The following DAB1 variants were observed in gnomAD, a reference collection of about 807,000 sequenced individuals.
The protein encoded by DAB1 is DAB adaptor protein 1, also known as disabled homolog 1.
In DAB1, 15 loss-of-function variants were observed where a neutral mutation model predicts 64.6. The observed-to-expected ratio is 0.23, with a 90% CI of 0.16 to 0.36. The LOEUF (loss-of-function observed/expected upper bound fraction) is 0.36, where lower values mean the gene tolerates loss of function less well. DAB1 is among the 10% of genes least tolerant of loss of function. The pLI is 1.00. For synonymous variants in DAB1, 235 were observed against 251.9 expected, an observed-to-expected ratio of 0.93 and a Z score of 0.64; for missense variants, 596 against 706.7, an observed-to-expected ratio of 0.84 and a Z score of 1.78.
At chr1:57,980,771 A>G (rs1570150647) in intron 5 of DAB1, among the ~76,000 whole-genome samples, 1 of 152,024 alleles carries the variant, frequency 6.6e-6, no homozygotes, top group Non-Finnish European at 1.5e-5. Flanking sequence ...AATTTCTGGA[A>G]AGCAGTTCGG....
chr1:57,525,904 A>C lies in DAB1; in HGVS notation n.625+123688T>G, dbSNP rs186225361. ...ATAGTTGATTGTTTTAAACCATGAA[A>C]ATGCGAATATATTTAAACAATTTAA... On this transcript the variant is annotated intron_variant and non_coding_transcript_variant, in intron 7 of 20. Transcript: ENST00000485760. Among the ~76,000 whole-genome samples the C allele has an allele frequency of 1.2e-4, 19 of 152,162 alleles. No individual in the cohort carries two copies. The East Asian group carries it at 3.1e-3, about 25-fold the overall frequency.
intron 4 of DAB1, among the ~76,000 whole-genome samples, chr1:57,125,228 G>A (rs2100764075): frequency 6.6e-6 from 1 of 152,246 alleles, no homozygotes; most frequent in Admixed American, 6.5e-5. Context: ...TGGAGGCGCA[G>A]ACCCCATAGG....
intron 7 of DAB1, among the ~76,000 whole-genome samples, chr1:57,568,517 A>C (rs551639184): frequency 1.3e-5 from 2 of 152,340 alleles, no homozygotes; most frequent in Admixed American, 1.3e-4. Flanking sequence ...AAATTTTTGC[A>C]ATCTACTCAT....
chr1:57,554,564 A>G (rs1165801806), intron 7 of DAB1, among the ~76,000 whole-genome samples: 1 of 152,220 alleles, frequency 6.6e-6, no homozygotes, highest in East Asian at 1.9e-4. Context: ...AAACCCAATC[A>G]TGTTGCCTTT....
At chr1:57,666,145 G>A (rs1646445032) in intron 6 of DAB1, among the ~76,000 whole-genome samples, 1 of 151,986 alleles carries the variant, frequency 6.6e-6, no homozygotes, top group Non-Finnish European at 1.5e-5. Flanking sequence ...TTTAAAGTCT[G>A]GTAAGTATCT....
intron 4 of DAB1, among the ~76,000 whole-genome samples, chr1:58,302,821 T>A (rs1441735705): frequency 2.6e-5 from 4 of 152,222 alleles, no homozygotes; most frequent in Admixed American, 2.6e-4. Context: ...TTTTCATTAC[T>A]ATTTTTTTAA....
At chr1:57,091,594 T>A (rs191163253) in intron 4 of DAB1, among the ~76,000 whole-genome samples, 1 of 152,206 alleles carries the variant, frequency 6.6e-6, no homozygotes, top group Non-Finnish European at 1.5e-5. Flanking sequence ...TTTTTCTATA[T>A]CATCTTGATA....
chr1:57,446,878 C>T (rs17115777), intron 7 of DAB1, among the ~76,000 whole-genome samples: 3,014 of 152,250 alleles, frequency 0.02, 113 homozygotes, highest in African/African-American at 0.068. Flanking sequence ...CCTATGTAAG[C>T]TTATCCATTA....
chr1:58,396,789 G>A (rs1175166313), intron 3 of DAB1, among the ~76,000 whole-genome samples: 4 of 152,166 alleles, frequency 2.6e-5, no homozygotes, highest in African/African-American at 9.7e-5. Context: ...GAGTCCGGGC[G>A]CGGTGGCTCA....
chr1:57,380,018 AG>A (rs369416643), intron 1 of DAB1, among the ~76,000 whole-genome samples: 1 of 152,240 alleles, frequency 6.6e-6, no homozygotes, highest in African/African-American at 2.4e-5. Flanking sequence ...AATTAATAAT[AG>A]TTGTTGTTTC....
intron 6 of DAB1, among the ~76,000 whole-genome samples, chr1:57,690,445 C>A (rs572101407): frequency 6.6e-6 from 1 of 152,188 alleles, no homozygotes; most frequent in East Asian, 1.9e-4. Context: ...TAGCATCTCC[C>A]CCTTCTCTCT....
intron 6 of DAB1, among the ~76,000 whole-genome samples, chr1:57,780,723 TTTCTTTTCTA>T (rs1286931914): frequency 1.3e-5 from 2 of 151,872 alleles, no homozygotes; most frequent in African/African-American, 4.8e-5. Flanking sequence ...CTTTTTTTCT[TTTCTTTTCTA>T]TTCTTTTCTT....
At chr1:57,016,324 G>A (rs527581922) in intron 11 of DAB1, among the ~76,000 whole-genome samples, 2 of 152,172 alleles carry the variant, frequency 1.3e-5, no homozygotes, top group South Asian at 4.2e-4. Flanking sequence ...GCTTATGCTT[G>A]TAATCCTAGC....
At chr1:57,471,774 T>A (rs11207043) in intron 7 of DAB1, among the ~76,000 whole-genome samples, 52,781 of 152,126 alleles carry the variant, frequency 0.35, 9,502 homozygotes, top group East Asian at 0.52. Flanking sequence ...CTTGGGTATG[T>A]CTTTATCAAT....
At chr1:57,403,306 G>A (rs763274731) in intron 1 of DAB1, among the ~76,000 whole-genome samples, 6 of 152,188 alleles carry the variant, frequency 3.9e-5, no homozygotes, top group Non-Finnish European at 7.3e-5. Flanking sequence ...AGCCTGGATC[G>A]CTGGTGGCCA....
intron 4 of DAB1, among the ~76,000 whole-genome samples, chr1:58,295,754 C>T (rs143180680): frequency 1.1e-4 from 17 of 151,998 alleles, no homozygotes; most frequent in African/African-American, 3.4e-4. Context: ...AACACTGGAA[C>T]GCAAGGGGCA....
chr1:57,145,791 A>G (rs527554581), intron 2 of DAB1, among the ~76,000 whole-genome samples: 3 of 152,310 alleles, frequency 2.0e-5, no homozygotes, highest in Non-Finnish European at 2.9e-5. Context: ...ACCCACTAAG[A>G]GTTCATGTCC....
upstream of DAB1, among the ~76,000 whole-genome samples, chr1:57,426,489 G>GT (rs1160890419): frequency 1.3e-5 from 2 of 152,024 alleles, no homozygotes; most frequent in Admixed American, 6.6e-5. Flanking sequence ...ATAATTAGGG[G>GT]TTTTTTTCTT....
intron 2 of DAB1, among the ~76,000 whole-genome samples, chr1:57,227,029 T>A (rs1667318773): frequency 6.7e-6 from 1 of 149,694 alleles, no homozygotes; most frequent in Non-Finnish European, 1.5e-5. Flanking sequence ...AAAAAAAAAT[T>A]GCCATGTGTA....
Sources: gnomAD v4.1 joint callset for allele counts (sites outside exome capture counted in the v4.1 genomes callset) on GRCh38, gnomAD v4.1.1 for gene constraint, MANE v1.5 for transcripts, NCBI Gene and HGNC (gene_info 2026-07-23, HGNC 2026-07-21) for gene names.